Variants in TOX observed in about 807,000 individuals in gnomAD.
TOX encodes the protein thymocyte selection associated high mobility group box.
Under a neutral mutation model 53.7 loss-of-function variants are expected in TOX, and 11 were observed. The observed-to-expected ratio is 0.20, with a 90% CI of 0.13 to 0.34. The LOEUF is 0.34. Ranked by LOEUF, TOX falls within the 10% of genes least tolerant of loss-of-function variation. The pLI, the probability that TOX is intolerant of heterozygous loss-of-function variation, is 1.00. For synonymous variants in TOX, 225 were observed against 245.3 expected, an observed-to-expected ratio of 0.92 and a Z score of 0.77; for missense variants, 570 against 664.6, an observed-to-expected ratio of 0.86 and a Z score of 1.56.
chr8:59,069,122 G>A (rs929845826), intron 1 of TOX, among the ~76,000 whole-genome samples: 3 of 152,174 alleles, frequency 2.0e-5, no homozygotes, highest in East Asian at 1.9e-4. Flanking sequence ...ACAGCAAGAC[G>A]GATGGGTATT....
chr8:59,108,518 T>C (rs933369877), intron 1 of TOX, among the ~76,000 whole-genome samples: 2 of 152,174 alleles, frequency 1.3e-5, no homozygotes, highest in African/African-American at 4.8e-5. Context: ...AAATGTACCA[T>C]TGTACATTAT....
intron 1 of TOX, among the ~76,000 whole-genome samples, chr8:59,051,789 G>A (rs1163879049): frequency 6.6e-6 from 1 of 152,186 alleles, no homozygotes; most frequent in East Asian, 1.9e-4. Flanking sequence ...TGATGCAGAT[G>A]ATGGAAAAAG....
At chr8:59,042,841 G>T (rs1031304650) in intron 1 of TOX, among the ~76,000 whole-genome samples, 14 of 152,088 alleles carry the variant, frequency 9.2e-5, no homozygotes, top group African/African-American at 3.1e-4. Flanking sequence ...ATTTATAATT[G>T]TATGTATTTA....
At chr8:59,019,956 TAAATATG>T (rs1814091073) in intron 1 of TOX, among the ~76,000 whole-genome samples, 2 of 152,234 alleles carry the variant, frequency 1.3e-5, no homozygotes. Context: ...TCTTCAAGAT[TAAATATG>T]AAATACTATA....
chr8:58,826,730 C>A, intron 6 of TOX, 92 bp downstream of exon 6: 2 of 1,076,866 alleles, frequency 1.9e-6, no homozygotes, highest in Non-Finnish European at 2.6e-6. Context: ...TGTGCAGAAT[C>A]GTTAAAGTGA....
chr8:58,853,072 G>C (rs1810852497), intron 3 of TOX, among the ~76,000 whole-genome samples: 1 of 152,132 alleles, frequency 6.6e-6, no homozygotes, highest in Non-Finnish European at 1.5e-5. Context: ...CTAAAACTGA[G>C]GCTGTCCACA....
intron 3 of TOX, among the ~76,000 whole-genome samples, chr8:58,935,630 A>G (rs1157158207): frequency 2.6e-5 from 4 of 152,126 alleles, no homozygotes; most frequent in African/African-American, 9.7e-5. Context: ...AAACTCTCAT[A>G]TCTGTAGACA....
chr8:58,939,183 C>T, intron 3 of TOX, 119 bp downstream of exon 3: 1 of 1,304,476 alleles, frequency 7.7e-7, no homozygotes, highest in South Asian at 1.4e-5. Context: ...ATAACTGTCT[C>T]CACAGCTAGA....
At chr8:58,902,011 A>G (rs1227412174) in intron 3 of TOX, among the ~76,000 whole-genome samples, 6 of 152,214 alleles carry the variant, frequency 3.9e-5, no homozygotes, top group Admixed American at 1.3e-4. Context: ...TTTATTGTAT[A>G]GCACACTATT....
At chr8:58,986,253 T>C (rs905416390) in intron 1 of TOX, among the ~76,000 whole-genome samples, 2 of 152,160 alleles carry the variant, frequency 1.3e-5, no homozygotes, top group African/African-American at 4.8e-5. Context: ...TCAGGGTACT[T>C]AGAGCTGAGT....
chr8:59,008,568 C>T lies in TOX; in HGVS notation c.103-48560G>A, dbSNP rs1289979407. On this transcript the variant is annotated intron_variant, in intron 1 of 8. Transcript: ENST00000361421. ...GCCATCACCTGAGAGTGGGTCTTTC[C>T]GCACAGAAGCTCACCTCCCCCCCAT... 4.0e-5 allele frequency among the ~76,000 whole-genome samples: 4 copies of T among 101,078 alleles called. No homozygotes were observed. In the East Asian group the frequency reaches 9.1e-4, roughly 23 times the overall value. 66.3% of individuals were successfully genotyped at this position (101,078 alleles called of 152,430 possible).
rs180952970 is a variant in TOX, at chr8:59,007,281, T to C, written c.103-47273A>G. ...TTACTATACTTTATGTCATTTGACA[T>C]AGTTTAATGAAATTCTTCTTTCTGG... is the stretch of plus-strand genomic sequence containing the variant. On this transcript the variant is annotated intron_variant, in intron 1 of 8. Transcript: ENST00000361421. 1.2e-4 allele frequency among the ~76,000 whole-genome samples: 19 copies of C among 152,288 alleles called. 1 individual carries two copies. In the East Asian group the frequency reaches 3.5e-3, roughly 28 times the overall value.
At chr8:58,955,098 T>A (rs1812688206) in intron 2 of TOX, among the ~76,000 whole-genome samples, 1 of 152,224 alleles carries the variant, frequency 6.6e-6, no homozygotes, top group African/African-American at 2.4e-5. Flanking sequence ...GTATGTCAAA[T>A]GCTTAGTTGT....
At chr8:58,857,453 A>G (rs1378778949) in intron 3 of TOX, among the ~76,000 whole-genome samples, 4 of 152,222 alleles carry the variant, frequency 2.6e-5, no homozygotes, top group Admixed American at 2.6e-4. Flanking sequence ...TCTGTTTCCT[A>G]AAAATTTACA....
chr8:58,838,170 T>C lies in TOX; in HGVS notation c.835A>G (p.Ile279Val). ...ALFFRDTQAA[I>V]KGQNPNATFG... ...GTAGCGTTTGGATTTTGGCCCTTGA[T>C]GGCGGCCTGAGTATCACGAAAGAAT... The change falls in exon 5 of 9, where the codon ATC becomes GTC. Residue 279 changes from isoleucine (I) to valine (V), a missense_variant. Around this residue, in one of 3 missense-constraint regions of TOX, gnomAD observed 49 missense variants for 98.9 expected, o/e 0.50. Transcript: ENST00000361421. 2 of 1,614,234 alleles carry C rather than the reference T, an allele frequency of 1.2e-6. No homozygotes were observed. The highest frequency in any genetic ancestry group is 1.1e-5 in the South Asian group (1 of 91,084).
Position 59,107,046 on chromosome 8 carries a change from T to TGGG in TOX, c.102+11837_102+11839dup, listed in dbSNP as rs560703991. Among the ~76,000 whole-genome samples, 416 of 57,988 alleles carry TGGG rather than the reference T, an allele frequency of 7.2e-3. 20 individuals carry two copies. Among genetic ancestry groups the TGGG allele is most frequent in the African/African-American group, 0.028 (279 of 9,996 alleles). The allele number at this position is 57,988 out of a possible 152,430, so 38.0% of individuals were successfully genotyped here. On this transcript the variant is annotated intron_variant, in intron 1 of 8. Transcript: ENST00000361421. ...ACAATGATCTTATAAAGCAGTTTGCTGGGGGGGGGGGGAACGTGACATTTC... is the reference window on the plus strand; with the variant it reads ...ACAATGATCTTATAAAGCAGTTTGCTGGGGGGGGGGGGGGGAACGTGACATTTC...
intron 1 of TOX, among the ~76,000 whole-genome samples, chr8:58,983,874 C>G (rs545393461): frequency 6.6e-6 from 1 of 152,186 alleles, no homozygotes; most frequent in East Asian, 1.9e-4. Flanking sequence ...CACATGGAAG[C>G]AATTTGGCCT....
intron 1 of TOX, among the ~76,000 whole-genome samples, chr8:58,966,816 T>C (rs984569326): frequency 4.6e-5 from 7 of 152,108 alleles, no homozygotes; most frequent in Non-Finnish European, 7.4e-5. Context: ...TTTTCATTGT[T>C]GTGTTTTTGG....
chr8:58,936,363 C>A (rs1028438308), intron 3 of TOX, among the ~76,000 whole-genome samples: 3 of 152,166 alleles, frequency 2.0e-5, no homozygotes, highest in African/African-American at 7.2e-5. Context: ...AGAGTTCCTA[C>A]TGAGTTCATG....
Sources: allele counts gnomAD v4.1 joint callset (sites outside exome capture counted in the v4.1 genomes callset), GRCh38; gene constraint gnomAD v4.1.1; regional missense constraint gnomAD v4.1.1; transcripts MANE v1.5; gene names NCBI Gene and HGNC (gene_info 2026-07-23, HGNC 2026-07-21).